Variants in SPATA3 observed in about 807,000 individuals in gnomAD.
SPATA3 encodes spermatogenesis associated 3.
Under a neutral mutation model 5.7 loss-of-function variants are expected in SPATA3, and 6 were observed. The ratio of observed to expected loss-of-function variants is 1.06; its 90% CI spans 0.58 to 2.09. The LOEUF is 2.09. Among genes scored for constraint, SPATA3 ranks in the 30% most tolerant of loss-of-function variants. The pLI is 0.00. For synonymous variants in SPATA3, 44 were observed against 48.4 expected, an observed-to-expected ratio of 0.91 and a Z score of 0.37; for missense variants, 155 against 130.4, an observed-to-expected ratio of 1.19 and a Z score of -0.92.
At chr2:230,997,106 G>T (rs766278906) in intron 1 of SPATA3, among the ~76,000 whole-genome samples, 3 of 152,302 alleles carry the variant, frequency 2.0e-5, no homozygotes, top group South Asian at 2.1e-4. Context: ...AGATCTAAGG[G>T]TCTGATGTGG....
At chr2:231,017,106 T>C (rs1415553227) in intron 6 of SPATA3, among the ~76,000 whole-genome samples, 1 of 152,214 alleles carries the variant, frequency 6.6e-6, no homozygotes, top group East Asian at 1.9e-4. Flanking sequence ...CTTACCTTAG[T>C]GCCCATGGTA....
Position 230,999,134 on chromosome 2 carries a change from A to C in SPATA3, c.791-1232A>C, listed in dbSNP as rs183531965. Reference sequence around the variant, plus strand: ...GGATGAACCTTATAGACACTTGGCTAAGTGAAAGAATCCAGTCTCCCAGAA... The same window carrying C: ...GGATGAACCTTATAGACACTTGGCTCAGTGAAAGAATCCAGTCTCCCAGAA... On this transcript the variant is annotated intron_variant, in intron 1 of 2. Coordinates refer to ENST00000645363, the Ensembl canonical transcript of SPATA3. Among the ~76,000 whole-genome samples the C allele has an allele frequency of 2.1e-3, 321 of 152,354 alleles. 3 individuals are homozygous for C. The highest frequency in any genetic ancestry group is 2.9e-3 in the Non-Finnish European group (198 of 68,024).
downstream of SPATA3, among the ~76,000 whole-genome samples, chr2:231,009,479 A>C (rs756522566): frequency 6.6e-6 from 1 of 152,180 alleles, no homozygotes; most frequent in Non-Finnish European, 1.5e-5. Context: ...TTAGTAGTGA[A>C]GGCCAAGAAT....
At chr2:231,002,969 A>G (rs1692410690), downstream of SPATA3, 1 of 432,666 alleles carries the variant, frequency 2.3e-6, no homozygotes, top group African/African-American at 2.0e-5. Flanking sequence ...GGAAGACCTG[A>G]TGCTCTCAGA....
At chr2:231,007,910 C>G (rs1351385989), downstream of SPATA3, among the ~76,000 whole-genome samples, 1 of 152,054 alleles carries the variant, frequency 6.6e-6, no homozygotes, top group Non-Finnish European at 1.5e-5. Flanking sequence ...TTTGGGAGGC[C>G]AAGACAGGAG....
chr2:231,015,257 CTT>C (rs35102459), intron 6 of SPATA3, among the ~76,000 whole-genome samples: 252 of 94,090 alleles, frequency 2.7e-3, no homozygotes, highest in African/African-American at 0.011. Context: ...ATCGTTTTGG[CTT>C]TTTTTTTTTT....
At chr2:231,005,251 CACCATCATCATT>C (rs1692533768), downstream of SPATA3, among the ~76,000 whole-genome samples, 1 of 103,438 alleles carries the variant, frequency 9.7e-6, no homozygotes, top group Non-Finnish European at 2.1e-5. Context: ...CCACCATCAC[CACCATCATCATT>C]ACCATCATCA....
chr2:231,009,162 C>G (rs776286888), downstream of SPATA3, among the ~76,000 whole-genome samples: 1 of 152,184 alleles, frequency 6.6e-6, no homozygotes, highest in African/African-American at 2.4e-5. Flanking sequence ...AACCTGTTAC[C>G]AAAAGAGATG....
chr2:231,012,575 CTG>C (rs1692816096), intron 4 of SPATA3: 1 of 152,144 alleles, frequency 6.6e-6, no homozygotes, highest in African/African-American at 2.4e-5. Flanking sequence ...GGGCTCCATT[CTG>C]TGTGTCTGGT....
exon 2 of SPATA3, chr2:231,000,379 C>A (rs1282786535): frequency 6.6e-7 from 1 of 1,515,400 alleles, no homozygotes; most frequent in Non-Finnish European, 8.9e-7. Flanking sequence ...CTCTGATTCG[C>A]GCCGGCCCGC....
At chr2:231,005,532 TCATCAC>T (rs1692584155), downstream of SPATA3, among the ~76,000 whole-genome samples, 2 of 23,256 alleles carry the variant, frequency 8.6e-5, no homozygotes, top group Non-Finnish European at 9.3e-5. Context: ...ACCACCACCA[TCATCAC>T]CACCATCATC....
At chr2:231,015,635 AGAG>A (rs1320967336) in intron 6 of SPATA3, among the ~76,000 whole-genome samples, 3 of 152,356 alleles carry the variant, frequency 2.0e-5, no homozygotes, top group African/African-American at 4.8e-5. Flanking sequence ...GGAAACCTCC[AGAG>A]GAGAAGTGAC....
At chr2:231,005,037 T>TCAC (rs1692498345), downstream of SPATA3, among the ~76,000 whole-genome samples, 1 of 44,480 alleles carries the variant, frequency 2.2e-5, no homozygotes, top group South Asian at 6.5e-4. Flanking sequence ...ATCATCACCA[T>TCAC]CATCATCACC....
chr2:231,006,000 CAAAAA>C (rs35868663), downstream of SPATA3, among the ~76,000 whole-genome samples: 1 of 124,260 alleles, frequency 8.0e-6, no homozygotes, highest in East Asian at 2.2e-4. Flanking sequence ...CTTGTCTCTA[CAAAAA>C]AAAAAAAAAA....
chr2:231,004,322 G>C (rs1692458569), downstream of SPATA3, among the ~76,000 whole-genome samples: 1 of 152,192 alleles, frequency 6.6e-6, no homozygotes, highest in Admixed American at 6.5e-5. Context: ...GGTGAGATAA[G>C]GTGTTAGAGG....
chr2:231,016,575 C>T (rs1429141167), intron 6 of SPATA3, among the ~76,000 whole-genome samples: 1 of 151,526 alleles, frequency 6.6e-6, no homozygotes, highest in Non-Finnish European at 1.5e-5. Flanking sequence ...GTCCCAGCTA[C>T]TTGGGAGGCT....
At chr2:231,002,742 T>C in exon 3 of SPATA3, 1 of 1,532,368 alleles carries the variant, frequency 6.5e-7, no homozygotes, top group Non-Finnish European at 8.8e-7. Context: ...CCCTCGGAAC[T>C]GTGGCTGTGG....
At chr2:230,998,472 G>T (rs572627942) in intron 1 of SPATA3, among the ~76,000 whole-genome samples, 27 of 152,318 alleles carry the variant, frequency 1.8e-4, no homozygotes, top group African/African-American at 5.8e-4. Flanking sequence ...ACTCAGAGAA[G>T]AATTTGGCCC....
intron 2 of SPATA3, among the ~76,000 whole-genome samples, chr2:231,002,376 G>A (rs544711001): frequency 6.6e-6 from 1 of 152,296 alleles, no homozygotes; most frequent in South Asian, 2.1e-4. Flanking sequence ...AAGACACTGG[G>A]TGTGAGGTAT....
Sources: gnomAD v4.1 joint callset for allele counts (sites outside exome capture counted in the v4.1 genomes callset) on GRCh38, gnomAD v4.1.1 for gene constraint, MANE v1.5 for transcripts, NCBI Gene and HGNC (gene_info 2026-07-23, HGNC 2026-07-21) for gene names.